The following UNC79 variants were observed in gnomAD, a reference collection of about 807,000 sequenced individuals.
UNC79 encodes unc-79 subunit of NALCN channel complex.
Under a neutral mutation model 283.1 loss-of-function variants are expected in UNC79, and 37 were observed. The ratio of observed to expected loss-of-function variants is 0.13; its 90% CI spans 0.10 to 0.17. The LOEUF (loss-of-function observed/expected upper bound fraction) is 0.17, where lower values mean the gene tolerates loss of function less well. UNC79 is among the 10% of genes least tolerant of loss of function. The pLI is 1.00. For missense variants in UNC79, 2,272 were observed against 3,211.1 expected (o/e 0.71, Z 7.07); for synonymous variants, 1,107 against 1,200.2 (o/e 0.92, Z 1.61).
intron 1 of UNC79, among the ~76,000 whole-genome samples, chr14:93,395,581 C>T (rs2054977657): frequency 1.3e-5 from 2 of 152,192 alleles, no homozygotes; most frequent in Non-Finnish European, 2.9e-5. Flanking sequence ...GGAGGGCCCC[C>T]AACATTAAGG....
intron 27 of UNC79, among the ~76,000 whole-genome samples, chr14:93,614,299 T>TTTTA (rs10617777): frequency 0.019 from 2,612 of 140,088 alleles, 42 homozygotes; most frequent in African/African-American, 0.046. Flanking sequence ...GTGGTTTTAT[T>TTTTA]TTTATTTATT....
At chr14:93,618,062 A>C in intron 28 of UNC79, 130 bp from the exon 30 acceptor site, 4 of 946,668 alleles carry the variant, frequency 4.2e-6, no homozygotes, top group Non-Finnish European at 6.0e-6. Flanking sequence ...ATTTGTTTCT[A>C]CTTCTCTCTC....
chr14:93,355,205 T>C (rs934220153), intron 1 of UNC79, among the ~76,000 whole-genome samples: 2 of 151,888 alleles, frequency 1.3e-5, no homozygotes, highest in African/African-American at 2.4e-5. Flanking sequence ...AGTTTTTTTT[T>C]CCCCCTGAGA....
At chr14:93,603,364 C>T (rs774659226) in exon 26 of UNC79, 2 of 1,614,114 alleles carry the variant, frequency 1.2e-6, no homozygotes, top group South Asian at 1.1e-5. Flanking sequence ...CGTGAAAGGG[C>T]CTGTGGAATC....
At chr14:93,346,797 T>C (rs1445712835) in intron 1 of UNC79, among the ~76,000 whole-genome samples, 2 of 152,018 alleles carry the variant, frequency 1.3e-5, no homozygotes, top group Admixed American at 1.3e-4. Context: ...AGAAAAGAGA[T>C]ACTTAGTGTG....
chr14:93,558,850 G>A (rs2062368062), intron 14 of UNC79, among the ~76,000 whole-genome samples: 1 of 151,862 alleles, frequency 6.6e-6, no homozygotes, highest in Admixed American at 6.6e-5. Flanking sequence ...TCTGTTTCAT[G>A]GAACCTTAGA....
intron 11 of UNC79, among the ~76,000 whole-genome samples, chr14:93,537,669 G>T (rs982084156): frequency 3.3e-5 from 5 of 152,156 alleles, no homozygotes; most frequent in African/African-American, 1.2e-4. Context: ...CTCTTGGAAT[G>T]TTAACTTGAA....
intron 7 of UNC79, among the ~76,000 whole-genome samples, chr14:93,498,250 G>A (rs1044189408): frequency 6.6e-6 from 1 of 151,874 alleles, no homozygotes; most frequent in East Asian, 1.9e-4. Flanking sequence ...CTGGGTGACT[G>A]AGCCAGACTC....
At position 93,614,620 on chromosome 14, in the gene UNC79, C is replaced by CTGTTTGTG. The variant is rs1265786155; in HGVS notation, c.4041+1541_4041+1548dup. 2.7e-5 allele frequency among the ~76,000 whole-genome samples: 4 copies of CTGTTTGTG among 149,026 alleles called. No homozygotes were observed. The East Asian group carries it at 7.8e-4, about 29-fold the overall frequency. ...AGGCATGAGCCACGGCGCCCGGCCA[C>CTGTTTGTG]TGTTTGTGTGTGTTTAAAAAAAAAA... On this transcript the variant is annotated intron_variant, in intron 27 of 48. Coordinates refer to ENST00000555664, the Ensembl canonical transcript of UNC79.
intron 23 of UNC79, among the ~76,000 whole-genome samples, chr14:93,594,263 A>G (rs1047633638): frequency 3.3e-5 from 5 of 151,942 alleles, no homozygotes; most frequent in Non-Finnish European, 7.4e-5. Flanking sequence ...GATGCCAGAA[A>G]TTGAGGTTTT....
intron 1 of UNC79, among the ~76,000 whole-genome samples, chr14:93,467,429 C>T (rs967021834): frequency 1.4e-5 from 2 of 147,006 alleles, no homozygotes; most frequent in African/African-American, 5.0e-5. Context: ...AACCAGAAAA[C>T]TAAGAATAAT....
chr14:93,505,730 CT>C (rs149720648), intron 7 of UNC79, among the ~76,000 whole-genome samples: 91 of 146,072 alleles, frequency 6.2e-4, no homozygotes, highest in East Asian at 2.0e-3. Flanking sequence ...TTCTCTCTCT[CT>C]TTTTTTTTTG....
At chr14:93,628,450 G>T (rs1438884310) in intron 30 of UNC79, among the ~76,000 whole-genome samples, 1 of 152,152 alleles carries the variant, frequency 6.6e-6, no homozygotes, top group Non-Finnish European at 1.5e-5. Context: ...CCCCTACCTG[G>T]TATCTTGATG....
In UNC79 at chr14:93,394,287, A is replaced by G. The variant is rs1047393573; in HGVS notation, c.-351+60764A>G. 1.4e-4 allele frequency among the ~76,000 whole-genome samples: 21 copies of G among 151,948 alleles called. 1 individual carries two copies. Among genetic ancestry groups the G allele is most frequent in the Non-Finnish European group, 2.9e-5 (2 of 67,998 alleles). ...ATATGTGCCAGCATCTAAGAGCTGTACATTCTTAACTGATTTTATCCTTGC... is the reference window on the plus strand; with the variant it reads ...ATATGTGCCAGCATCTAAGAGCTGTGCATTCTTAACTGATTTTATCCTTGC... On this transcript the variant is annotated intron_variant, in intron 1 of 49. Transcript: ENST00000256339.
intron 7 of UNC79, among the ~76,000 whole-genome samples, chr14:93,498,794 C>G (rs2140644319): frequency 6.6e-6 from 1 of 152,162 alleles, no homozygotes; most frequent in East Asian, 1.9e-4. Flanking sequence ...ATTATTAAAT[C>G]AAAGAAGAAA....
intron 25 of UNC79, 71 bp downstream of exon 25, chr14:93,600,841 A>G: frequency 1.3e-6 from 2 of 1,537,616 alleles, no homozygotes; most frequent in East Asian, 2.3e-5. Context: ...AACAGAAGAC[A>G]TTGGCATGTC....
intron 5 of UNC79, among the ~76,000 whole-genome samples, chr14:93,493,466 G>C (rs2058836271): frequency 6.6e-6 from 1 of 152,204 alleles, no homozygotes; most frequent in African/African-American, 2.4e-5. Flanking sequence ...GAAGAAGCCA[G>C]GTTGGATATA....
chr14:93,673,386 T>C (rs754031810), exon 41 of UNC79: 1 of 1,613,482 alleles, frequency 6.2e-7, no homozygotes, highest in African/African-American at 1.3e-5. Flanking sequence ...GTAGTGTTGT[T>C]CTAGAACTTC....
intron 7 of UNC79, 103 bp downstream of exon 7, chr14:93,497,389 C>T: frequency 7.2e-7 from 1 of 1,383,500 alleles, no homozygotes; most frequent in South Asian, 1.6e-5. Flanking sequence ...ATTATATTTT[C>T]TATGCCTTTG....
Sources: allele counts gnomAD v4.1 joint callset (sites outside exome capture counted in the v4.1 genomes callset), GRCh38; gene constraint gnomAD v4.1.1; transcripts MANE v1.5; gene names NCBI Gene and HGNC (gene_info 2026-07-23, HGNC 2026-07-21).